The following SPECC1 variants were observed in gnomAD, a reference collection of about 807,000 sequenced individuals.
The protein encoded by SPECC1 is cytospin-B.
Under a neutral mutation model 104.1 loss-of-function variants are expected in SPECC1, and 62 were observed. The observed-to-expected ratio is 0.60, with a 90% confidence interval of 0.49 to 0.74. The LOEUF (loss-of-function observed/expected upper bound fraction) is 0.74. Among genes scored for constraint, SPECC1 ranks in the 30% least tolerant of loss-of-function variants. The pLI is 0.00. For synonymous variants in SPECC1, 513 were observed against 501.6 expected, an observed-to-expected ratio of 1.02 and a Z score of -0.30; for missense variants, 1,306 against 1,310.5, an observed-to-expected ratio of 1.00 and a Z score of 0.05.
intron 7 of SPECC1, chr17:20,238,143 T>C (rs2039020890): frequency 9.7e-7 from 1 of 1,030,834 alleles, no homozygotes; most frequent in Non-Finnish European, 1.2e-6. Flanking sequence ...TCCAGAATCT[T>C]GTTGGGTTAA....
At chr17:20,242,860 C>T (rs1054711763) in intron 7 of SPECC1, among the ~76,000 whole-genome samples, 3 of 152,142 alleles carry the variant, frequency 2.0e-5, no homozygotes, top group African/African-American at 7.2e-5. Flanking sequence ...CTGTGCTTGG[C>T]ATATACAGTG....
intron 1 of SPECC1, among the ~76,000 whole-genome samples, chr17:20,034,083 G>A (rs1428680526): frequency 6.7e-6 from 1 of 149,536 alleles, no homozygotes; most frequent in East Asian, 1.9e-4. Flanking sequence ...TCTAAAGTAA[G>A]CGTTTGATAT....
At chr17:20,298,194 A>G (rs1241437595) in intron 13 of SPECC1, among the ~76,000 whole-genome samples, 1 of 152,200 alleles carries the variant, frequency 6.6e-6, no homozygotes, top group South Asian at 2.1e-4. Flanking sequence ...TCTACTAAAA[A>G]TACAAAAATT....
intron 3 of SPECC1, among the ~76,000 whole-genome samples, chr17:20,163,290 C>G (rs184658763): frequency 6.6e-6 from 1 of 152,214 alleles, no homozygotes; most frequent in East Asian, 1.9e-4. Flanking sequence ...TCAAGTTCAA[C>G]GTCTTGTTAT....
At chr17:20,304,305 C>A (rs1339635446) in intron 13 of SPECC1, among the ~76,000 whole-genome samples, 1 of 150,338 alleles carries the variant, frequency 6.7e-6, no homozygotes, top group Non-Finnish European at 1.5e-5. Flanking sequence ...AAGGAAATTT[C>A]ACTGAGGAAC....
At chr17:20,203,273 A>G (rs1372860339) in intron 3 of SPECC1, among the ~76,000 whole-genome samples, 2 of 97,490 alleles carry the variant, frequency 2.1e-5, no homozygotes, top group Non-Finnish European at 3.7e-5. Context: ...ATAGTCTTTC[A>G]GTTTGTAAAA....
chr17:20,049,176 T>C (rs1170488266), intron 1 of SPECC1, among the ~76,000 whole-genome samples: 2 of 152,152 alleles, frequency 1.3e-5, no homozygotes, highest in African/African-American at 2.4e-5. Context: ...ATATATGCTA[T>C]CAGCAAAAAA....
chr17:20,176,302 T>C, intron 3 of SPECC1, among the ~76,000 whole-genome samples: 1 of 152,232 alleles, frequency 6.6e-6, no homozygotes, highest in East Asian at 1.9e-4. Context: ...CCTTCTCTTT[T>C]TCTTTTGTCT....
intron 8 of SPECC1, among the ~76,000 whole-genome samples, 199 bp downstream of exon 8, chr17:20,246,270 A>G (rs935676150): frequency 1.3e-5 from 2 of 152,218 alleles, no homozygotes; most frequent in African/African-American, 4.8e-5. Context: ...AGCCTGGCTC[A>G]TGAATAACAC....
intron 4 of SPECC1, among the ~76,000 whole-genome samples, chr17:20,216,988 TAAAAA>T (rs368927789): frequency 3.3e-5 from 5 of 150,334 alleles, no homozygotes; most frequent in African/African-American, 1.2e-4. Context: ...CCCCATGTCT[TAAAAA>T]AAAGAAAAAA....
At chr17:20,019,292 T>G (rs1395448583) in intron 1 of SPECC1, among the ~76,000 whole-genome samples, 1 of 151,988 alleles carries the variant, frequency 6.6e-6, no homozygotes, top group Non-Finnish European at 1.5e-5. Flanking sequence ...AGGCCTGCTG[T>G]GTTAACTCTT....
At chr17:20,115,356 C>T (rs1329262269) in intron 3 of SPECC1, among the ~76,000 whole-genome samples, 3 of 151,936 alleles carry the variant, frequency 2.0e-5, no homozygotes, top group Admixed American at 6.6e-5. Context: ...GCCTGTAATC[C>T]CAGCTACTCA....
chr17:20,215,095 T>C (rs2037403426), intron 4 of SPECC1, among the ~76,000 whole-genome samples: 1 of 152,248 alleles, frequency 6.6e-6, no homozygotes, highest in Non-Finnish European at 1.5e-5. Context: ...TCCGGGAGCC[T>C]CTGCCCTTCC....
rs185293766 is a variant in SPECC1, at chr17:20,183,861, T to C, written c.284-20472T>C. Among the ~76,000 whole-genome samples the C allele has an allele frequency of 1.7e-3, 259 of 152,168 alleles. 1 individual carries two copies. The highest frequency in any genetic ancestry group is 0.017 in the Middle Eastern group (5 of 294). ...TGGAAGGCCGACTATATCATTCTTA[T>C]GAAATTTTATTAAATAAGAATGATG... On this transcript the variant is annotated intron_variant, in intron 3 of 14. Transcript: ENST00000395527.
At chr17:20,115,677 A>G (rs929171654) in intron 3 of SPECC1, among the ~76,000 whole-genome samples, 18 of 152,228 alleles carry the variant, frequency 1.2e-4, no homozygotes, top group Non-Finnish European at 2.1e-4. Context: ...AACTGTAGTT[A>G]TCTCTATAGA....
chr17:20,061,429 C>T (rs1343434025), intron 1 of SPECC1, among the ~76,000 whole-genome samples: 1 of 152,210 alleles, frequency 6.6e-6, no homozygotes, highest in East Asian at 1.9e-4. Flanking sequence ...CTTCCATGGG[C>T]CTCTACATGT....
At chr17:20,141,188 C>T (rs1257409687) in intron 3 of SPECC1, among the ~76,000 whole-genome samples, 3 of 152,192 alleles carry the variant, frequency 2.0e-5, no homozygotes, top group Non-Finnish European at 2.9e-5. Context: ...ACAGGGCATG[C>T]TTTTTCCTTT....
At chr17:20,032,937 C>T (rs1055814067) in intron 1 of SPECC1, among the ~76,000 whole-genome samples, 11 of 125,730 alleles carry the variant, frequency 8.7e-5, no homozygotes, top group Non-Finnish European at 1.7e-4. Context: ...CACACGCGCG[C>T]ACACACACAC....
intron 2 of SPECC1, among the ~76,000 whole-genome samples, chr17:20,103,811 G>T (rs1056964726): frequency 6.6e-6 from 1 of 152,178 alleles, no homozygotes; most frequent in Non-Finnish European, 1.5e-5. Flanking sequence ...TTCACTGAAA[G>T]GCTGTTGGAT....
Sources: gnomAD v4.1 joint callset for allele counts (sites outside exome capture counted in the v4.1 genomes callset) on GRCh38, gnomAD v4.1.1 for gene constraint, MANE v1.5 for transcripts, NCBI Gene and HGNC (gene_info 2026-07-23, HGNC 2026-07-21) for gene names.